Variants in CTNNA2 observed in about 807,000 individuals in gnomAD.
The protein encoded by CTNNA2 is catenin alpha 2.
In CTNNA2, 42 loss-of-function variants were observed where a neutral mutation model predicts 101.0. The observed-to-expected ratio is 0.42, with a 90% CI of 0.32 to 0.54. The LOEUF (loss-of-function observed/expected upper bound fraction) is 0.54, where lower values mean the gene tolerates loss of function less well. Among genes scored for constraint, CTNNA2 ranks in the 20% least tolerant of loss-of-function variants. The pLI, the probability that CTNNA2 is intolerant of heterozygous loss-of-function variation, is 0.14. For missense variants in CTNNA2, 871 were observed against 1,223.1 expected (o/e 0.71, Z 4.29); for synonymous variants, 450 against 456.4 (o/e 0.99, Z 0.18).
At chr2:79,939,668 A>G (rs774571781) in intron 7 of CTNNA2, among the ~76,000 whole-genome samples, 4 of 152,220 alleles carry the variant, frequency 2.6e-5, no homozygotes, top group Admixed American at 6.5e-5. Context: ...CTTAGAACTA[A>G]AAGTTTAGCA....
chr2:79,646,533 T>TC (rs1680833025), intron 1 of CTNNA2, among the ~76,000 whole-genome samples: 1 of 148,676 alleles, frequency 6.7e-6, no homozygotes, highest in African/African-American at 2.5e-5. Context: ...TCTTTTTTTT[T>TC]TTTTTTTTTT....
intron 9 of CTNNA2, among the ~76,000 whole-genome samples, chr2:80,482,677 T>G (rs535453240): frequency 6.6e-6 from 1 of 152,310 alleles, no homozygotes; most frequent in South Asian, 2.1e-4. Flanking sequence ...GTGTATTATT[T>G]TTTGATTCCA....
intron 7 of CTNNA2, among the ~76,000 whole-genome samples, chr2:80,226,580 G>T (rs1410071611): frequency 6.6e-6 from 1 of 152,182 alleles, no homozygotes; most frequent in East Asian, 1.9e-4. Flanking sequence ...CTGGAGTGAG[G>T]CAGTGCGTGG....
intron 12 of CTNNA2, among the ~76,000 whole-genome samples, chr2:80,556,678 A>G (rs1475143171): frequency 6.6e-6 from 1 of 152,144 alleles, no homozygotes; most frequent in Non-Finnish European, 1.5e-5. Context: ...CTCTTGACCA[A>G]TGTCTTTTGG....
At chr2:80,646,464 A>C (rs1363005870) in intron 18 of CTNNA2, among the ~76,000 whole-genome samples, 1 of 151,888 alleles carries the variant, frequency 6.6e-6, no homozygotes, top group Non-Finnish European at 1.5e-5. Context: ...TCACATGTAG[A>C]CTCCTGGCTG....
chr2:80,268,742 T>C (rs1360645141), intron 7 of CTNNA2, among the ~76,000 whole-genome samples: 1 of 152,196 alleles, frequency 6.6e-6, no homozygotes, highest in Non-Finnish European at 1.5e-5. Context: ...TGGTATGGGA[T>C]ACATATGACG....
At chr2:80,549,970 G>T (rs1485145762) in intron 11 of CTNNA2, among the ~76,000 whole-genome samples, 1 of 151,926 alleles carries the variant, frequency 6.6e-6, no homozygotes, top group Non-Finnish European at 1.5e-5. Flanking sequence ...TTATTACAGG[G>T]GGTTCAAAAA....
intron 14 of CTNNA2, chr2:80,586,449 G>T (rs1358503207): frequency 6.6e-6 from 1 of 152,136 alleles, no homozygotes; most frequent in African/African-American, 2.4e-5. Flanking sequence ...AATGATGCTG[G>T]TTTAGGACCT....
chr2:79,837,008 G>T lies in CTNNA2; in HGVS notation c.299-21005G>T, dbSNP rs569087491. Among the ~76,000 whole-genome samples the T allele has an allele frequency of 1.3e-3, 192 of 152,248 alleles. 1 individual carries two copies. Among genetic ancestry groups the T allele is most frequent in the African/African-American group, 4.5e-3 (186 of 41,530 alleles). On this transcript the variant is annotated intron_variant, in intron 3 of 18. Coordinates refer to ENST00000402739, the MANE Select transcript of CTNNA2 (RefSeq NM_001282597.3). ...AAGACCCCTGTTTCCAAGTAAGGACGAATTCGTAAGTATTGGAAGTTAGGA... is the reference window on the plus strand; with the variant it reads ...AAGACCCCTGTTTCCAAGTAAGGACTAATTCGTAAGTATTGGAAGTTAGGA...
chr2:80,239,271 C>T (rs765006448), intron 7 of CTNNA2, among the ~76,000 whole-genome samples: 4 of 152,100 alleles, frequency 2.6e-5, no homozygotes, highest in Non-Finnish European at 4.4e-5. Flanking sequence ...TAGCTTTTGG[C>T]CTAGAGTTGA....
intron 9 of CTNNA2, among the ~76,000 whole-genome samples, chr2:80,466,492 A>G (rs988704353): frequency 6.6e-5 from 10 of 152,232 alleles, no homozygotes; most frequent in African/African-American, 2.4e-4. Context: ...TCTTTAACAT[A>G]CCAAATAATT....
intron 3 of CTNNA2, among the ~76,000 whole-genome samples, chr2:79,341,675 T>A (rs1040378807): frequency 6.6e-6 from 1 of 152,216 alleles, no homozygotes; most frequent in Non-Finnish European, 1.5e-5. Context: ...ATAATATGTC[T>A]CTCTTCAGAG....
chr2:80,065,515 A>G (rs1697923928), intron 7 of CTNNA2, among the ~76,000 whole-genome samples: 1 of 151,856 alleles, frequency 6.6e-6, no homozygotes, highest in Non-Finnish European at 1.5e-5. Context: ...CACAACACCT[A>G]GCTAATTTCT....
chr2:79,903,179 C>T (rs371661308), intron 6 of CTNNA2, among the ~76,000 whole-genome samples: 9 of 152,146 alleles, frequency 5.9e-5, no homozygotes, highest in African/African-American at 2.2e-4. Flanking sequence ...TTGTCTCCTT[C>T]TCCCTCATTG....
intron 7 of CTNNA2, among the ~76,000 whole-genome samples, chr2:80,204,757 G>T (rs537638040): frequency 3.3e-5 from 5 of 151,766 alleles, no homozygotes; most frequent in Non-Finnish European, 7.4e-5. Context: ...CCACTCTACT[G>T]GTACCAATTT....
At chr2:80,487,823 C>T (rs1686716895) in intron 9 of CTNNA2, among the ~76,000 whole-genome samples, 1 of 152,186 alleles carries the variant, frequency 6.6e-6, no homozygotes, top group East Asian at 1.9e-4. Flanking sequence ...TCTTAGACGC[C>T]AAACTAAGGC....
chr2:79,777,885 G>C (rs1300517702), intron 3 of CTNNA2, among the ~76,000 whole-genome samples: 2 of 144,230 alleles, frequency 1.4e-5, no homozygotes, highest in Non-Finnish European at 3.0e-5. Flanking sequence ...AGATTTATTT[G>C]CATGGGGTTT....
chr2:79,536,935 C>G (rs144198286), intron 1 of CTNNA2, among the ~76,000 whole-genome samples: 1 of 152,196 alleles, frequency 6.6e-6, no homozygotes, highest in South Asian at 2.1e-4. Context: ...CTCCTGAGCT[C>G]GGACAATCCG....
chr2:80,382,599 G>A (rs184162321), intron 7 of CTNNA2, among the ~76,000 whole-genome samples: 1 of 152,316 alleles, frequency 6.6e-6, no homozygotes, highest in East Asian at 1.9e-4. Context: ...GGGAAGGGGT[G>A]ATGGAGGAAT....
Sources: gnomAD v4.1 joint callset for allele counts (sites outside exome capture counted in the v4.1 genomes callset) on GRCh38, gnomAD v4.1.1 for gene constraint, MANE v1.5 for transcripts, NCBI Gene and HGNC (gene_info 2026-07-23, HGNC 2026-07-21) for gene names.